NKAIN3: variants seen among roughly 807,000 people sequenced by gnomAD.
NKAIN3 encodes the protein sodium/potassium transporting ATPase interacting 3.
In NKAIN3, 25 loss-of-function variants were observed where a neutral mutation model predicts 30.2. The ratio of observed to expected loss-of-function variants is 0.83; its 90% CI spans 0.60 to 1.16. The LOEUF is 1.16. Among genes scored for constraint, NKAIN3 ranks in the 50% most tolerant of loss-of-function variants. NKAIN3 has a pLI of 0.00. For synonymous variants in NKAIN3, 91 were observed against 89.6 expected (o/e 1.02, Z -0.09); for missense variants, 225 against 254.1 (o/e 0.89, Z 0.78).
At chr8:62,707,056 T>C (rs571755433) in intron 3 of NKAIN3, among the ~76,000 whole-genome samples, 5,810 of 143,218 alleles carry the variant, frequency 0.041, 399 homozygotes, top group African/African-American at 0.15. Flanking sequence ...CATACATACA[T>C]ACACACACAC....
At position 62,976,823 on chromosome 8, in the gene NKAIN3, G is replaced by A. The variant is rs1234512418; in HGVS notation, c.*11416G>A. The stretch of plus-strand genomic sequence containing the variant: ...AATGTTTTTGCAGTGGCTGGTACTG[G>A]TTGTTCCTTTCCATATTTAGTACTT... On this transcript the variant is annotated 3_prime_UTR_variant, in exon 7 of 7. Transcript: ENST00000623646. Among the ~76,000 whole-genome samples the A allele has an allele frequency of 1.3e-5, 2 of 152,158 alleles. No individual in the cohort carries two copies. Among genetic ancestry groups the A allele is most frequent in the Non-Finnish European group, 2.9e-5 (2 of 68,034 alleles).
At chr8:62,793,076 T>C (rs1817751689) in intron 4 of NKAIN3, among the ~76,000 whole-genome samples, 1 of 152,072 alleles carries the variant, frequency 6.6e-6, no homozygotes, top group African/African-American at 2.4e-5. Context: ...AATTCATCTG[T>C]GGAGTCTTAA....
chr8:62,933,779 A>C (rs1233855669), intron 5 of NKAIN3, among the ~76,000 whole-genome samples: 1 of 152,206 alleles, frequency 6.6e-6, no homozygotes, highest in Non-Finnish European at 1.5e-5. Context: ...AAAAATAGAA[A>C]AGGTAGGTGT....
intron 4 of NKAIN3, among the ~76,000 whole-genome samples, chr8:62,900,554 A>G (rs181199548): frequency 6.8e-4 from 103 of 152,280 alleles, no homozygotes; most frequent in Non-Finnish European, 1.1e-3. Context: ...CTGTGCCTCA[A>G]TTTTCTCATA....
At chr8:62,415,578 T>C (rs1804418651) in intron 1 of NKAIN3, among the ~76,000 whole-genome samples, 1 of 150,850 alleles carries the variant, frequency 6.6e-6, no homozygotes, top group Admixed American at 6.6e-5. Context: ...CATTTTTTAA[T>C]TACAGGTTAC....
chr8:62,835,867 CA>C (rs1034503326), intron 4 of NKAIN3, among the ~76,000 whole-genome samples: 1 of 151,854 alleles, frequency 6.6e-6, no homozygotes, highest in Non-Finnish European at 1.5e-5. Flanking sequence ...ATCATTCTAC[CA>C]AAAAAACACA....
rs192552542 is a variant in NKAIN3 at position 62,567,010 on chromosome 8, G to A, written c.55-12529G>A. Among the ~76,000 whole-genome samples, 366 of 151,990 alleles carry A rather than the reference G, an allele frequency of 2.4e-3. 1 individual carries two copies. Among genetic ancestry groups the A allele is most frequent in the Non-Finnish European group, 4.0e-3 (275 of 67,976 alleles). On this transcript the variant is annotated intron_variant, in intron 1 of 6. Transcript: ENST00000623646. ...ATCTTTGTCTTTTCCTTTCTGTTACGCTTTGTGGATATAGCTTTATAAGTA... is the reference window on the plus strand; with the variant it reads ...ATCTTTGTCTTTTCCTTTCTGTTACACTTTGTGGATATAGCTTTATAAGTA...
Position 62,976,238 on chromosome 8 carries a change from T to C in NKAIN3, c.*10831T>C, listed in dbSNP as rs1001268434. On this transcript the variant is annotated 3_prime_UTR_variant, in exon 7 of 7. Coordinates refer to ENST00000623646, the MANE Select transcript of NKAIN3 (RefSeq NM_001304533.3). ...AGGTGAGTTCAAGTCCTGAATATCC[T>C]TGTTAATTTTCTATCTCGGTGATCT... is the stretch of plus-strand genomic sequence containing the variant. 6.6e-6 allele frequency among the ~76,000 whole-genome samples: 1 copy of C among 152,078 alleles called. No individual in the cohort carries two copies. The highest frequency in any genetic ancestry group is 2.4e-5 in the African/African-American group (1 of 41,416).
chr8:62,951,804 T>C (rs1823291483), intron 5 of NKAIN3, among the ~76,000 whole-genome samples: 1 of 151,854 alleles, frequency 6.6e-6, no homozygotes, highest in South Asian at 2.1e-4. Flanking sequence ...ATTTATTTTA[T>C]TTTTATTATT....
intron 1 of NKAIN3, among the ~76,000 whole-genome samples, chr8:62,321,674 G>A (rs1397308892): frequency 2.6e-5 from 4 of 152,160 alleles, no homozygotes; most frequent in African/African-American, 9.7e-5. Flanking sequence ...GTTGCTGCCT[G>A]ATTGTTCCTC....
chr8:62,554,553 T>C (rs776127097), intron 1 of NKAIN3, among the ~76,000 whole-genome samples: 3 of 152,172 alleles, frequency 2.0e-5, no homozygotes, highest in Non-Finnish European at 4.4e-5. Flanking sequence ...ATTCTTTACA[T>C]GGATTTGTAA....
chr8:62,930,720 T>C (rs896922803), intron 5 of NKAIN3, among the ~76,000 whole-genome samples: 2 of 151,964 alleles, frequency 1.3e-5, no homozygotes, highest in African/African-American at 2.4e-5. Context: ...TTTTTTTTTT[T>C]TGAGACGGAG....
At chr8:62,362,560 C>T (rs1585723653) in intron 1 of NKAIN3, among the ~76,000 whole-genome samples, 1 of 152,202 alleles carries the variant, frequency 6.6e-6, no homozygotes, top group East Asian at 1.9e-4. Context: ...AACTGCAGAA[C>T]CCAAGAGAAA....
chr8:62,250,195 G>A (rs1355602707), intron 1 of NKAIN3, among the ~76,000 whole-genome samples: 2 of 152,122 alleles, frequency 1.3e-5, no homozygotes, highest in Non-Finnish European at 2.9e-5. Context: ...GGATAAAATC[G>A]TGCTTTTTAG....
intron 4 of NKAIN3, among the ~76,000 whole-genome samples, chr8:62,796,817 A>ACACACACACACACACACACAC: frequency 2.4e-5 from 1 of 41,346 alleles, no homozygotes; most frequent in Non-Finnish European, 7.9e-5. Flanking sequence ...CACACACACA[A>ACACACACACACACACACACAC]ATACTCATGA....
intron 3 of NKAIN3, among the ~76,000 whole-genome samples, chr8:62,687,370 C>G (rs1251545004): frequency 6.6e-6 from 1 of 152,236 alleles, no homozygotes; most frequent in Non-Finnish European, 1.5e-5. Flanking sequence ...AGGGACTGCT[C>G]TTTCTCCCAG....
intron 2 of NKAIN3, among the ~76,000 whole-genome samples, chr8:62,584,033 A>C (rs1810396163): frequency 6.6e-6 from 1 of 152,184 alleles, no homozygotes; most frequent in South Asian, 2.1e-4. Context: ...ATATTTAAAA[A>C]AACTGAAAAT....
intron 1 of NKAIN3, among the ~76,000 whole-genome samples, chr8:62,315,308 A>G (rs1201396547): frequency 6.6e-6 from 1 of 152,172 alleles, no homozygotes. Context: ...ATGCCCTGTG[A>G]AATATTATTT....
intron 1 of NKAIN3, among the ~76,000 whole-genome samples, chr8:62,479,544 A>T (rs1806640667): frequency 6.6e-6 from 1 of 152,176 alleles, no homozygotes; most frequent in African/African-American, 2.4e-5. Context: ...TTCTTGCCAG[A>T]TCTGGATTCA....
Sources: gnomAD v4.1 joint callset for allele counts (sites outside exome capture counted in the v4.1 genomes callset) on GRCh38, gnomAD v4.1.1 for gene constraint, MANE v1.5 for transcripts, NCBI Gene and HGNC (gene_info 2026-07-23, HGNC 2026-07-21) for gene names.